Variants in NCS1 observed in about 807,000 individuals in gnomAD.
NCS1 encodes the protein frequenin homolog.
In NCS1, 6 loss-of-function variants were observed where a neutral mutation model predicts 28.4. The ratio of observed to expected loss-of-function variants is 0.21; its 90% CI spans 0.12 to 0.42. NCS1 has a LOEUF of 0.42. Ranked by LOEUF, NCS1 falls within the 10% of genes least tolerant of loss-of-function variation. NCS1 has a pLI of 1.00. For missense variants in NCS1, 131 were observed against 241.4 expected, an observed-to-expected ratio of 0.54 and a Z score of 3.03; for synonymous variants, 86 against 99.3, an observed-to-expected ratio of 0.87 and a Z score of 0.79.
Position 130,222,706 on chromosome 9 carries a change from C to T in NCS1, c.364C>T (p.Leu122=), listed in dbSNP as rs1833349783. Residue 122 remains leucine, a synonymous_variant, in exon 5 of 8, where the codon CTG becomes TTG. Transcript: ENST00000372398. The stretch of plus-strand genomic sequence containing the variant: ...TGGCTACATCACCAGGAATGAGATG[C>T]TGGACATTGTGGATGCCATTTACCA... The part of the protein sequence containing the change: ...NDGYITRNEM[L]DIVDAIYQMV... 6.2e-7 allele frequency: 1 copy of T among 1,613,886 alleles called. No individual in the cohort carries two copies. Among genetic ancestry groups the T allele is most frequent in the Non-Finnish European group, 8.5e-7 (1 of 1,179,990 alleles).
In NCS1 at chr9:130,235,577, TTGCGGACCGCAGCCCAGCATGCC is replaced by T. The variant is rs1554912910; in HGVS notation, c.*2606_*2628del. ...CTTCTGGCCTTAGCAGATGGTATGC[TTGCGGACCGCAGCCCAGCATGCC>T]GGTGGGCCCACAGCCCGAGCCAGCC... On this transcript the variant is annotated 3_prime_UTR_variant, in exon 8 of 8. Coordinates refer to ENST00000372398, the MANE Select transcript of NCS1 (RefSeq NM_014286.4). 6.6e-6 allele frequency: 1 copy of T among 152,386 alleles called. No individual in the cohort carries two copies. Among genetic ancestry groups the T allele is most frequent in the East Asian group, 1.9e-4 (1 of 5,194 alleles). 9.4% of individuals were successfully genotyped at this position (152,386 alleles called of 1,614,324 possible).
chr9:130,220,536 G>A (rs1212779794), intron 4 of NCS1, among the ~76,000 whole-genome samples: 3 of 151,934 alleles, frequency 2.0e-5, no homozygotes, highest in Non-Finnish European at 2.9e-5. Context: ...CTCCAGCCAG[G>A]GGGCCCGCGT....
chr9:130,188,549 T>C (rs891490289), intron 1 of NCS1, among the ~76,000 whole-genome samples: 2 of 150,398 alleles, frequency 1.3e-5, no homozygotes, highest in East Asian at 2.0e-4. Flanking sequence ...GTAGCTGGGA[T>C]TACAGGCATG....
intron 2 of NCS1, among the ~76,000 whole-genome samples, chr9:130,216,965 G>A (rs189965493): frequency 2.5e-4 from 38 of 150,040 alleles, no homozygotes; most frequent in Admixed American, 4.0e-4. Flanking sequence ...TGTGAATTGG[G>A]TTTAGAACAA....
chr9:130,217,517 C>A (rs902489740), intron 2 of NCS1, among the ~76,000 whole-genome samples: 1 of 152,166 alleles, frequency 6.6e-6, no homozygotes, highest in Admixed American at 6.5e-5. Flanking sequence ...TTGTTTTAGC[C>A]CCCTTGGGTG....
chr9:130,202,155 T>C (rs2131136355), intron 2 of NCS1, among the ~76,000 whole-genome samples: 1 of 152,322 alleles, frequency 6.6e-6, no homozygotes, highest in African/African-American at 2.4e-5. Context: ...GGTTATGTGC[T>C]TACGAGGCCT....
At chr9:130,218,413 CAG>C (rs1326649898) in intron 3 of NCS1, among the ~76,000 whole-genome samples, 19 of 152,226 alleles carry the variant, frequency 1.2e-4, no homozygotes, top group Non-Finnish European at 2.5e-4. Flanking sequence ...CGTGTACACA[CAG>C]AGAGACATAT....
intron 1 of NCS1, among the ~76,000 whole-genome samples, chr9:130,188,536 C>T (rs558370369): frequency 1.7e-4 from 26 of 151,032 alleles, no homozygotes; most frequent in African/African-American, 2.9e-4. Context: ...CTCAGCCTCC[C>T]GAGTAGCTGG....
At chr9:130,176,890 T>C (rs1588106255) in intron 1 of NCS1, among the ~76,000 whole-genome samples, 1 of 152,226 alleles carries the variant, frequency 6.6e-6, no homozygotes, top group Non-Finnish European at 1.5e-5. Context: ...TAAAGGCTTC[T>C]GAGGCCACTG....
rs1554909611 is a variant in NCS1, at chr9:130,217,927, C to T, written c.185C>T (p.Thr62Ile). Residue 62 changes from threonine (T) to isoleucine (I), a missense_variant, in exon 3 of 8, where the codon ACC (threonine) becomes ATC (isoleucine). Coordinates refer to ENST00000372398, the MANE Select transcript of NCS1 (RefSeq NM_014286.4). ...CAATTCTTCCCGTTCGGAGACCCCA[C>T]CAAGTTTGCCACATTTGTTTTCAAC... ...YKQFFPFGDP[T>I]KFATFVFNVF... is the part of the protein sequence containing the mutation. 1 of 1,614,202 alleles carries T rather than the reference C, an allele frequency of 6.2e-7. No homozygotes were observed.
At chr9:130,210,621 C>T (rs377459555) in intron 2 of NCS1, among the ~76,000 whole-genome samples, 3 of 151,794 alleles carry the variant, frequency 2.0e-5, no homozygotes, top group East Asian at 3.9e-4. Context: ...AATCTCAGCT[C>T]ATTTGTCCAG....
chr9:130,220,806 C>T (rs1245516950), intron 4 of NCS1, among the ~76,000 whole-genome samples: 2 of 149,730 alleles, frequency 1.3e-5, no homozygotes, highest in South Asian at 2.1e-4. Context: ...AAAAGCTCCT[C>T]CTCTCAATGC....
At chr9:130,183,312 G>T (rs887532) in intron 1 of NCS1, among the ~76,000 whole-genome samples, 40,658 of 151,872 alleles carry the variant, frequency 0.27, 6,166 homozygotes, top group East Asian at 0.61. Context: ...CGGCTGGGGG[G>T]GGGAGCTCCT....
chr9:130,188,125 T>A (rs1832763979), intron 1 of NCS1, among the ~76,000 whole-genome samples: 1 of 152,250 alleles, frequency 6.6e-6, no homozygotes, highest in African/African-American at 2.4e-5. Flanking sequence ...ACACCTATAT[T>A]AATAGTAGTG....
chr9:130,217,189 G>C (rs1334430694), intron 2 of NCS1, among the ~76,000 whole-genome samples: 1 of 152,250 alleles, frequency 6.6e-6, no homozygotes, highest in Non-Finnish European at 1.5e-5. Context: ...GGGATTGGGA[G>C]TGCAAAGCCA....
chr9:130,178,579 C>A (rs907550479), intron 1 of NCS1, among the ~76,000 whole-genome samples: 1 of 152,266 alleles, frequency 6.6e-6, no homozygotes, highest in South Asian at 2.1e-4. Flanking sequence ...CCCATGTCAC[C>A]CTCTGAGAGG....
rs1308609808 is a variant in NCS1 at position 130,236,583 on chromosome 9, C to G, written c.*3611C>G. 1.3e-4 allele frequency: 20 copies of G among 151,244 alleles called. No homozygotes were observed. Among genetic ancestry groups the G allele is most frequent in the African/African-American group, 4.9e-4 (20 of 41,076 alleles). The allele number at this position is 151,244 out of a possible 1,614,324, so 9.4% of individuals were successfully genotyped here. On this transcript the variant is annotated 3_prime_UTR_variant, in exon 8 of 8. Coordinates refer to ENST00000372398, the MANE Select transcript of NCS1 (RefSeq NM_014286.4). ...TTTTTTTAATATCTGCGGAATAAACCCAATGGTTAATTTTTGAATGAATAA... is the reference window on the plus strand; with the variant it reads ...TTTTTTTAATATCTGCGGAATAAACGCAATGGTTAATTTTTGAATGAATAA...
chr9:130,200,612 G>A (rs1832929208), intron 1 of NCS1: 10 of 1,551,800 alleles, frequency 6.4e-6, no homozygotes, highest in Middle Eastern at 1.7e-4. Context: ...ATGGCAACGA[G>A]TAAGTCTTAG....
intron 1 of NCS1, among the ~76,000 whole-genome samples, chr9:130,178,462 G>T (rs575659707): frequency 3.3e-4 from 50 of 152,346 alleles, no homozygotes; most frequent in Non-Finnish European, 5.9e-4. Flanking sequence ...CCCGGCAGAG[G>T]CCTTGGGATC....
Sources: gnomAD v4.1 joint callset for allele counts (sites outside exome capture counted in the v4.1 genomes callset) on GRCh38, gnomAD v4.1.1 for gene constraint, MANE v1.5 for transcripts, NCBI Gene and HGNC (gene_info 2026-07-23, HGNC 2026-07-21) for gene names.